The following PLSCR2 variants were observed in gnomAD, a reference collection of about 807,000 sequenced individuals.
The protein encoded by PLSCR2 is PL scramblase 2.
A neutral mutation model predicts 25.3 loss-of-function variants in PLSCR2; 18 were observed. The observed-to-expected ratio is 0.71, with a 90% CI of 0.49 to 1.06. The LOEUF is 1.06. Among genes scored for constraint, PLSCR2 ranks in the 50% least tolerant of loss-of-function variants. The pLI is 0.00. For synonymous variants in PLSCR2, 88 were observed against 87.3 expected (o/e 1.01, Z -0.04); for missense variants, 243 against 269.5 (o/e 0.90, Z 0.69).
intron 1 of PLSCR2, among the ~76,000 whole-genome samples, chr3:146,491,365 G>T (rs1042570377): frequency 4.0e-5 from 6 of 151,776 alleles, no homozygotes; most frequent in Admixed American, 2.6e-4. Context: ...ATCTTACAGG[G>T]TTCTCTGAAT....
intron 2 of PLSCR2, among the ~76,000 whole-genome samples, chr3:146,396,516 G>A (rs1000873119): frequency 1.3e-5 from 2 of 152,158 alleles, no homozygotes; most frequent in Admixed American, 1.3e-4. Flanking sequence ...GAGCTAATAA[G>A]CAGACTACAC....
At chr3:146,426,994 T>C (rs969636739) in intron 2 of PLSCR2, among the ~76,000 whole-genome samples, 1 of 152,202 alleles carries the variant, frequency 6.6e-6, no homozygotes, top group African/African-American at 2.4e-5. Flanking sequence ...ATAATAGTAG[T>C]AGTAAACTTC....
intron 1 of PLSCR2, among the ~76,000 whole-genome samples, chr3:146,478,320 G>A (rs984523048): frequency 1.3e-5 from 2 of 152,138 alleles, no homozygotes; most frequent in Admixed American, 6.5e-5. Flanking sequence ...CTAACCCATT[G>A]CAAGGAAGCT....
At chr3:146,404,410 A>G (rs575383006) in intron 2 of PLSCR2, among the ~76,000 whole-genome samples, 5 of 152,340 alleles carry the variant, frequency 3.3e-5, no homozygotes, top group Non-Finnish European at 7.3e-5. Context: ...TACTCCTGCC[A>G]TAATGGCAAC....
chr3:146,463,425 G>A (rs1432872539), upstream of PLSCR2, among the ~76,000 whole-genome samples: 2 of 152,184 alleles, frequency 1.3e-5, no homozygotes, highest in African/African-American at 4.8e-5. Flanking sequence ...AAAGTGCTGG[G>A]ATTACAGGCG....
intron 2 of PLSCR2, among the ~76,000 whole-genome samples, chr3:146,422,887 G>A (rs2039196073): frequency 6.6e-6 from 1 of 151,944 alleles, no homozygotes; most frequent in Admixed American, 6.6e-5. Flanking sequence ...GGTAAACCTG[G>A]TATAATAATA....
Position 146,455,378 on chromosome 3 carries a change from G to GT in PLSCR2, c.181dup (p.Thr61AsnfsTer2). On this transcript the variant is annotated frameshift_variant, in exon 4 of 7. Coordinates refer to ENST00000610787, the Ensembl canonical transcript of PLSCR2. LOFTEE classifies it high-confidence loss of function. Reference sequence around the variant, plus strand: ...ACAGCAATTTCGGATACAGAAATTAGTATCTTCTGCTGCAAAATAAATCCT... The same window carrying GT: ...ACAGCAATTTCGGATACAGAAATTAGTTATCTTCTGCTGCAAAATAAATCCT... The GT allele has an allele frequency of 6.2e-7, 1 of 1,613,150 alleles. No individual in the cohort carries two copies. Among genetic ancestry groups the GT allele is most frequent in the South Asian group, 1.1e-5 (1 of 91,052 alleles).
intron 2 of PLSCR2, among the ~76,000 whole-genome samples, chr3:146,412,182 A>C (rs918481956): frequency 1.3e-5 from 2 of 152,172 alleles, no homozygotes; most frequent in African/African-American, 2.4e-5. Flanking sequence ...AGTAGCTCTC[A>C]GGAGTTGCAG....
At chr3:146,444,523 T>C (rs1027741066) in intron 6 of PLSCR2, among the ~76,000 whole-genome samples, 1 of 152,040 alleles carries the variant, frequency 6.6e-6, no homozygotes, top group African/African-American at 2.4e-5. Context: ...AATGACTTTG[T>C]TGTCTCTTTT....
At chr3:146,418,717 G>A (rs1434112904) in intron 2 of PLSCR2, among the ~76,000 whole-genome samples, 1 of 152,144 alleles carries the variant, frequency 6.6e-6, no homozygotes, top group Admixed American at 6.6e-5. Flanking sequence ...TTCTTAAGGG[G>A]AAGCATGTGT....
intron 2 of PLSCR2, among the ~76,000 whole-genome samples, chr3:146,418,410 T>C (rs771485598): frequency 3.3e-5 from 5 of 152,152 alleles, no homozygotes; most frequent in Non-Finnish European, 5.9e-5. Flanking sequence ...TATGATCCAT[T>C]ATGGGTAAAA....
At chr3:146,444,139 C>A (rs2040410970) in intron 6 of PLSCR2, among the ~76,000 whole-genome samples, 1 of 151,858 alleles carries the variant, frequency 6.6e-6, no homozygotes, top group Non-Finnish European at 1.5e-5. Flanking sequence ...AATATAATTT[C>A]ATATTTTTAA....
intron 5 of PLSCR2, among the ~76,000 whole-genome samples, chr3:146,451,358 G>T (rs1246855121): frequency 2.0e-5 from 3 of 151,800 alleles, no homozygotes; most frequent in Non-Finnish European, 4.4e-5. Flanking sequence ...CAGGTGATCC[G>T]CCCGCCTCGG....
intron 1 of PLSCR2, among the ~76,000 whole-genome samples, chr3:146,468,806 T>G (rs1172734951): frequency 3.5e-5 from 5 of 143,598 alleles, no homozygotes; most frequent in Non-Finnish European, 3.1e-5. Context: ...CCTATTTCGT[T>G]GAAAAACAAA....
Position 146,459,857 on chromosome 3 carries a change from G to C in PLSCR2, c.48C>G (p.Tyr16Ter). The C allele has an allele frequency of 1.2e-6, 2 of 1,601,076 alleles. No homozygotes were observed. Among genetic ancestry groups the C allele is most frequent in the Non-Finnish European group, 1.7e-6 (2 of 1,170,226 alleles). The change falls in exon 2 of 7, where the codon TAC becomes TAG. Residue 16 changes from tyrosine to a stop codon, truncating the protein, a stop_gained. Transcript: ENST00000610787. LOFTEE classifies it high-confidence loss of function. The stretch of plus-strand genomic sequence containing the variant: ...ACGTATTTGAAATTACCTGACTTAA[G>C]TATTCCAATCCTGGCGGACAGTTTA...
intron 3 of PLSCR2, 61 bp downstream of exon 3, chr3:146,458,350 A>G (rs1359151524): frequency 2.2e-6 from 3 of 1,363,524 alleles, no homozygotes; most frequent in Admixed American, 2.7e-5. Context: ...TTTTTGATGT[A>G]TCTTTATTTG....
chr3:146,485,629 A>G (rs962542472), intron 1 of PLSCR2, among the ~76,000 whole-genome samples: 2 of 152,118 alleles, frequency 1.3e-5, no homozygotes, highest in South Asian at 2.1e-4. Context: ...ATCAAATTAA[A>G]ACTCAAGATT....
chr3:146,492,557 A>G (rs2043589448), intron 1 of PLSCR2, among the ~76,000 whole-genome samples: 1 of 152,182 alleles, frequency 6.6e-6, no homozygotes, highest in Non-Finnish European at 1.5e-5. Context: ...CTTTTGGGTA[A>G]AGAATAAAAT....
At chr3:146,407,927 C>T (rs7614557) in intron 2 of PLSCR2, among the ~76,000 whole-genome samples, 79,770 of 151,898 alleles carry the variant, frequency 0.53, 21,231 homozygotes, top group South Asian at 0.71. Context: ...CAGCCAGTTT[C>T]GGTGGTTTCT....
Sources: gnomAD v4.1 joint callset for allele counts (sites outside exome capture counted in the v4.1 genomes callset) on GRCh38, gnomAD v4.1.1 for gene constraint, MANE v1.5 for transcripts, NCBI Gene and HGNC (gene_info 2026-07-23, HGNC 2026-07-21) for gene names.